TMEM108: variants seen among roughly 807,000 people sequenced by gnomAD.
The protein encoded by TMEM108 is transmembrane protein 108.
TMEM108 carries 12 observed loss-of-function variants against 35.1 expected under a neutral mutation model. The ratio of observed to expected loss-of-function variants is 0.34; its 90% CI spans 0.22 to 0.55. TMEM108 has a LOEUF of 0.55. Ranked by LOEUF, TMEM108 falls within the 20% of genes least tolerant of loss-of-function variation. The pLI is 0.89. For synonymous variants in TMEM108, 287 were observed against 308.6 expected, an observed-to-expected ratio of 0.93 and a Z score of 0.73; for missense variants, 680 against 753.3, an observed-to-expected ratio of 0.90 and a Z score of 1.14.
rs576381351 is a variant in TMEM108 at position 133,073,690 on chromosome 3, T to C, written c.-47+27670T>C. 2.6e-5 allele frequency among the ~76,000 whole-genome samples: 4 copies of C among 151,674 alleles called. No homozygotes were observed. In the South Asian group the frequency reaches 8.4e-4, roughly 32 times the overall value. On this transcript the variant is annotated intron_variant, in intron 2 of 5. Transcript: ENST00000321871. ...GGATATATACCCAGTAGTAGGATTG[T>C]AGGATCATATGGTAGTTCTATTTTA...
intron 2 of TMEM108, among the ~76,000 whole-genome samples, chr3:133,060,380 T>C (rs181836283): frequency 8.8e-4 from 134 of 152,316 alleles, no homozygotes; most frequent in African/African-American, 3.2e-3. Flanking sequence ...TAGCACAGAT[T>C]TCTCCCCTGC....
At chr3:133,133,283 A>C (rs1236287503) in intron 2 of TMEM108, among the ~76,000 whole-genome samples, 1 of 152,216 alleles carries the variant, frequency 6.6e-6, no homozygotes, top group East Asian at 1.9e-4. Flanking sequence ...CACCACCCTG[A>C]TCAGTCAGCA....
chr3:133,387,159 G>C (rs1435063261), intron 4 of TMEM108: 58 of 985,332 alleles, frequency 5.9e-5, no homozygotes, highest in Non-Finnish European at 6.7e-5. Flanking sequence ...AGAGGATGTT[G>C]GGAGAACAAG....
chr3:133,107,747 T>G (rs1227969511), intron 2 of TMEM108, among the ~76,000 whole-genome samples: 1 of 152,158 alleles, frequency 6.6e-6, no homozygotes, highest in African/African-American at 2.4e-5. Context: ...TGGGAGGCCT[T>G]TACCTGATCC....
intron 2 of TMEM108, among the ~76,000 whole-genome samples, chr3:133,089,924 C>A (rs1281499116): frequency 6.6e-6 from 1 of 152,080 alleles, no homozygotes; most frequent in Non-Finnish European, 1.5e-5. Flanking sequence ...AGAATTTATT[C>A]CTGAATCAAA....
chr3:133,082,680 C>A (rs1373077971), intron 2 of TMEM108, among the ~76,000 whole-genome samples: 1 of 152,012 alleles, frequency 6.6e-6, no homozygotes. Context: ...GAGACAGGGT[C>A]TCACCCTGTC....
rs542485078 is a variant in TMEM108 at position 133,135,248 on chromosome 3, C to T, written c.-47+89228C>T. Reference sequence around the variant, plus strand: ...TTCTAATAGCAAACTCCGTAATAGACATCAGTGATAACAGAGATAAATAAG... The same window carrying T: ...TTCTAATAGCAAACTCCGTAATAGATATCAGTGATAACAGAGATAAATAAG... On this transcript the variant is annotated intron_variant, in intron 2 of 5. Coordinates refer to ENST00000321871, the MANE Select transcript of TMEM108 (RefSeq NM_023943.4). Among the ~76,000 whole-genome samples, 36 of 151,438 alleles carry T rather than the reference C, an allele frequency of 2.4e-4. 1 individual carries two copies. The highest frequency in any genetic ancestry group is 7.0e-4 in the African/African-American group (29 of 41,278).
intron 3 of TMEM108, among the ~76,000 whole-genome samples, chr3:133,290,209 G>A (rs572775972): frequency 4.6e-5 from 7 of 152,166 alleles, no homozygotes; most frequent in Non-Finnish European, 1.0e-4. Flanking sequence ...CAGGGAAGGC[G>A]TCCCTAAGCT....
At chr3:133,161,170 C>T (rs557421882) in intron 2 of TMEM108, among the ~76,000 whole-genome samples, 209 of 152,328 alleles carry the variant, frequency 1.4e-3, no homozygotes, top group Non-Finnish European at 2.6e-3. Context: ...CCTTTTGATT[C>T]AGCCACACCA....
At chr3:133,344,063 T>C (rs1259926565) in intron 3 of TMEM108, among the ~76,000 whole-genome samples, 1 of 151,850 alleles carries the variant, frequency 6.6e-6, no homozygotes, top group East Asian at 1.9e-4. Flanking sequence ...TGCCAAAAGG[T>C]TGGGAACCAC....
chr3:133,174,599 G>T (rs538964216), intron 2 of TMEM108, among the ~76,000 whole-genome samples: 1 of 152,188 alleles, frequency 6.6e-6, no homozygotes, highest in Non-Finnish European at 1.5e-5. Context: ...AACTCCAACA[G>T]ACCTGCAGCT....
intron 3 of TMEM108, among the ~76,000 whole-genome samples, chr3:133,241,532 G>A (rs529512899): frequency 6.6e-5 from 10 of 151,254 alleles, no homozygotes; most frequent in South Asian, 2.1e-4. Context: ...GTGGGCAGCC[G>A]CATTGCTCAT....
intron 2 of TMEM108, among the ~76,000 whole-genome samples, chr3:133,084,911 G>A (rs1270855990): frequency 6.6e-6 from 1 of 152,148 alleles, no homozygotes; most frequent in African/African-American, 2.4e-5. Flanking sequence ...TCCAGGACAC[G>A]CAGTGAGTGG....
intron 2 of TMEM108, among the ~76,000 whole-genome samples, chr3:133,097,149 G>C (rs887524753): frequency 6.6e-6 from 1 of 152,208 alleles, no homozygotes; most frequent in African/African-American, 2.4e-5. Context: ...AGTGTGCTTA[G>C]ATAAGCAGTC....
intron 3 of TMEM108, among the ~76,000 whole-genome samples, chr3:133,297,770 A>T (rs753402931): frequency 6.6e-6 from 1 of 152,210 alleles, no homozygotes; most frequent in Non-Finnish European, 1.5e-5. Context: ...CAGAGGGCGC[A>T]CACTGCTGTA....
chr3:133,247,269 A>G (rs935544701), intron 3 of TMEM108: 1 of 152,174 alleles, frequency 6.6e-6, no homozygotes, highest in Non-Finnish European at 1.5e-5. Context: ...GTTTATATCA[A>G]GAATAATAGA....
chr3:133,241,546 C>T (rs1049973440), intron 3 of TMEM108, among the ~76,000 whole-genome samples: 1 of 151,624 alleles, frequency 6.6e-6, no homozygotes, highest in African/African-American at 2.4e-5. Flanking sequence ...TGCTCATGTC[C>T]TCCAGAGCAT....
chr3:133,340,700 C>A (rs980978171), intron 3 of TMEM108, among the ~76,000 whole-genome samples: 1 of 151,610 alleles, frequency 6.6e-6, no homozygotes, highest in African/African-American at 2.4e-5. Context: ...CTGAATTCAA[C>A]AATATATTCA....
At chr3:133,300,804 A>G (rs958805720) in intron 3 of TMEM108, among the ~76,000 whole-genome samples, 3 of 151,992 alleles carry the variant, frequency 2.0e-5, no homozygotes, top group African/African-American at 7.3e-5. Flanking sequence ...TGGGAGGTAT[A>G]TGAACTCTGG....
Sources: gnomAD v4.1 joint callset for allele counts (sites outside exome capture counted in the v4.1 genomes callset) on GRCh38, gnomAD v4.1.1 for gene constraint, MANE v1.5 for transcripts, NCBI Gene and HGNC (gene_info 2026-07-23, HGNC 2026-07-21) for gene names.